The following PRKN variants were observed in gnomAD, a reference collection of about 807,000 sequenced individuals.
The protein encoded by PRKN is E3 ubiquitin-protein ligase parkin.
In PRKN, 56 loss-of-function variants were observed where a neutral mutation model predicts 59.5. That is an observed-to-expected ratio of 0.94 (90% confidence interval 0.76 to 1.18). PRKN has a LOEUF of 1.18. Among genes scored for constraint, PRKN ranks in the 50% most tolerant of loss-of-function variants. The pLI is 0.00. For synonymous variants in PRKN, 250 were observed against 222.1 expected (o/e 1.13, Z -1.12); for missense variants, 657 against 596.4 (o/e 1.10, Z -1.06).
chr6:161,493,992 C>T (rs1043404225), intron 9 of PRKN, among the ~76,000 whole-genome samples: 7 of 152,176 alleles, frequency 4.6e-5, no homozygotes, highest in East Asian at 1.9e-4. Context: ...GCAATGTTAA[C>T]GGGTCCACCC....
intron 1 of PRKN, among the ~76,000 whole-genome samples, chr6:162,451,861 ATAAAT>A (rs1321971653): frequency 6.6e-6 from 1 of 152,218 alleles, no homozygotes; most frequent in African/African-American, 2.4e-5. Flanking sequence ...GATGAAATAA[ATAAAT>A]TTACATATTC....
chr6:162,662,914 T>A (rs1778946508), intron 1 of PRKN, among the ~76,000 whole-genome samples: 2 of 152,042 alleles, frequency 1.3e-5, no homozygotes, highest in Non-Finnish European at 2.9e-5. Flanking sequence ...TCCAAAGGCT[T>A]GGGTTGGGGG....
intron 6 of PRKN, among the ~76,000 whole-genome samples, chr6:161,867,128 A>T (rs751416049): frequency 1.3e-4 from 19 of 152,000 alleles, no homozygotes; most frequent in Non-Finnish European, 2.5e-4. Flanking sequence ...TTTTATTTGG[A>T]TCTGTTCTAT....
intron 4 of PRKN, among the ~76,000 whole-genome samples, chr6:162,128,463 G>A (rs1224503774): frequency 6.6e-6 from 1 of 151,942 alleles, no homozygotes; most frequent in African/African-American, 2.4e-5. Context: ...GGCAAAAAGT[G>A]AGAGAGATGG....
intron 9 of PRKN, among the ~76,000 whole-genome samples, chr6:161,398,833 G>C (rs1786897716): frequency 1.3e-5 from 2 of 152,130 alleles, no homozygotes; most frequent in Admixed American, 6.6e-5. Context: ...GCAGGTTGTA[G>C]TGAGGAGATG....
intron 8 of PRKN, among the ~76,000 whole-genome samples, chr6:161,558,534 T>C (rs1780330338): frequency 1.3e-5 from 2 of 151,646 alleles, no homozygotes; most frequent in South Asian, 4.2e-4. Context: ...CACTGCACTC[T>C]AGCTTGGGCA....
In PRKN at chr6:162,236,500, G is replaced by A. The variant is rs189669500; in HGVS notation, c.412+26025C>T. ...TGTTTATTCCCCTGTATAAAAGAAA[G>A]CCCAAGCTTGGTGTGGTGGCTCACG... On this transcript the variant is annotated intron_variant, in intron 3 of 11. Transcript: ENST00000366898. 4.2e-3 allele frequency among the ~76,000 whole-genome samples: 633 copies of A among 152,134 alleles called. 3 individuals are homozygous for A. The highest frequency in any genetic ancestry group is 6.6e-3 in the Non-Finnish European group (447 of 67,998).
chr6:162,726,794 C>A (rs1173903055), intron 1 of PRKN, among the ~76,000 whole-genome samples: 6 of 152,126 alleles, frequency 3.9e-5, no homozygotes, highest in African/African-American at 1.4e-4. Context: ...CCTGGAGAAA[C>A]CTCCACAATA....
chr6:161,600,308 C>T (rs1244441594), intron 7 of PRKN, among the ~76,000 whole-genome samples: 3 of 152,184 alleles, frequency 2.0e-5, no homozygotes, highest in African/African-American at 4.8e-5. Flanking sequence ...GAACGGTCTT[C>T]CTTTTCTATC....
chr6:162,553,062 G>T (rs572632578), intron 1 of PRKN, among the ~76,000 whole-genome samples: 12 of 152,164 alleles, frequency 7.9e-5, no homozygotes, highest in African/African-American at 2.9e-4. Flanking sequence ...TAAATGGGAA[G>T]GGAAAATGGG....
At chr6:162,075,139 A>G (rs1778765349) in intron 4 of PRKN, among the ~76,000 whole-genome samples, 1 of 152,200 alleles carries the variant, frequency 6.6e-6, no homozygotes, top group South Asian at 2.1e-4. Context: ...AGGCAGTTTC[A>G]GGCAGCAAAA....
At chr6:161,822,812 T>C (rs1476307406) in intron 6 of PRKN, among the ~76,000 whole-genome samples, 2 of 152,250 alleles carry the variant, frequency 1.3e-5, no homozygotes, top group Non-Finnish European at 1.5e-5. Context: ...TAAATGTTTG[T>C]CTTGTTAAAA....
At chr6:162,435,935 T>G (rs1053853148) in intron 2 of PRKN, among the ~76,000 whole-genome samples, 1 of 152,068 alleles carries the variant, frequency 6.6e-6, no homozygotes, top group South Asian at 2.1e-4. Context: ...CAAAAAATCA[T>G]GGTGGAAATG....
intron 4 of PRKN, among the ~76,000 whole-genome samples, chr6:162,156,562 G>A (rs1343375514): frequency 6.6e-6 from 1 of 152,106 alleles, no homozygotes; most frequent in Non-Finnish European, 1.5e-5. Context: ...GGAGAAAGAT[G>A]GAGGCCGGAA....
chr6:162,167,809 G>A (rs1292402378), intron 4 of PRKN, among the ~76,000 whole-genome samples: 2 of 151,884 alleles, frequency 1.3e-5, no homozygotes, highest in Non-Finnish European at 2.9e-5. Flanking sequence ...GTTTGTAAAG[G>A]GTCTTAATGA....
In PRKN at chr6:161,545,305, T is replaced by C; in HGVS notation, c.1083+3549A>G. 6.4e-7 allele frequency: 1 copy of C among 1,563,338 alleles called. No individual in the cohort carries two copies. The highest frequency in any genetic ancestry group is 8.7e-7 in the Non-Finnish European group (1 of 1,153,584). The stretch of plus-strand genomic sequence containing the variant: ...GATAATCACTGGAGTTAATGACGTC[T>C]AGGGCTTTTTCCACATCTGGAACTC... On this transcript the variant is annotated intron_variant, in intron 9 of 11. Coordinates refer to ENST00000366898, the MANE Select transcript of PRKN (RefSeq NM_004562.3). The surrounding 1 kb of genome is among the most constrained non-coding windows in gnomAD (Gnocchi z 4.1).
intron 4 of PRKN, among the ~76,000 whole-genome samples, chr6:162,101,742 A>G (rs555950196): frequency 2.6e-4 from 39 of 152,208 alleles, no homozygotes; most frequent in Admixed American, 4.6e-4. Flanking sequence ...ATAACTCTCT[A>G]TATCTCTAGA....
intron 2 of PRKN, among the ~76,000 whole-genome samples, chr6:162,293,706 C>G (rs903990559): frequency 6.6e-6 from 1 of 152,158 alleles, no homozygotes. Context: ...AATGTGAATA[C>G]AGTGGGTGGA....
At chr6:162,107,086 T>C (rs1409538464) in intron 4 of PRKN, among the ~76,000 whole-genome samples, 1 of 152,052 alleles carries the variant, frequency 6.6e-6, no homozygotes, top group Non-Finnish European at 1.5e-5. Flanking sequence ...AAGAAAAAAA[T>C]GGGAACAGTT....
Sources: gnomAD v4.1 joint callset for allele counts (sites outside exome capture counted in the v4.1 genomes callset) on GRCh38, gnomAD v4.1.1 for gene constraint, Gnocchi (gnomAD v3.1) non-coding constraint, MANE v1.5 for transcripts, NCBI Gene and HGNC (gene_info 2026-07-23, HGNC 2026-07-21) for gene names.